The following GAREM1 variants were observed in gnomAD, a reference collection of about 807,000 sequenced individuals.
The protein encoded by GAREM1 is GRB2 associated regulator of MAPK1 subtype 1.
A neutral mutation model predicts 71.3 loss-of-function variants in GAREM1; 26 were observed. The observed-to-expected ratio is 0.36, with a 90% CI of 0.27 to 0.51. The LOEUF is 0.51. Among genes scored for constraint, GAREM1 ranks in the 20% least tolerant of loss-of-function variants. The probability of loss-of-function intolerance (pLI) is 0.95; values close to 1 mark genes in which losing one functional copy is unlikely to be tolerated. For synonymous variants in GAREM1, 440 were observed against 433.2 expected, an observed-to-expected ratio of 1.02 and a Z score of -0.20; for missense variants, 1,026 against 1,103.1, an observed-to-expected ratio of 0.93 and a Z score of 0.99.
At chr18:32,380,167 C>T (rs1301171802) in intron 2 of GAREM1, among the ~76,000 whole-genome samples, 1 of 152,206 alleles carries the variant, frequency 6.6e-6, no homozygotes, top group Admixed American at 6.5e-5. Flanking sequence ...TGAGCAATGA[C>T]TGGTTATGAT....
At chr18:32,414,766 G>C (rs1294587977) in intron 1 of GAREM1, among the ~76,000 whole-genome samples, 1 of 151,764 alleles carries the variant, frequency 6.6e-6, no homozygotes. Flanking sequence ...TATCAAAAAG[G>C]AAAAAAACCT....
At chr18:32,286,260 C>T (rs1345273836) in intron 4 of GAREM1, among the ~76,000 whole-genome samples, 1 of 151,900 alleles carries the variant, frequency 6.6e-6, no homozygotes, top group Non-Finnish European at 1.5e-5. Flanking sequence ...ACATTAGAAT[C>T]AAGCTCTGAA....
In GAREM1 at chr18:32,287,484, C is replaced by G; in HGVS notation, c.1113G>C (p.Ser371=). ...RCSGHNHVPN[S]LSYARDELTQ... is the part of the protein sequence containing the mutation. Reference sequence around the variant, plus strand: ...TGAGCTCATCGCGGGCGTAGCTGAGCGAATTGGGCACGTGGTTGTGGCCAG... The same window carrying G: ...TGAGCTCATCGCGGGCGTAGCTGAGGGAATTGGGCACGTGGTTGTGGCCAG... Residue 371 remains serine (S), a synonymous_variant, in exon 4 of 6, where the codon TCG becomes TCC. Coordinates refer to ENST00000269209, the MANE Select transcript of GAREM1 (RefSeq NM_001242409.2). This position sits in a 1 kb window ranked among gnomAD's most constrained non-coding sequence, Gnocchi z 5.9. 1 of 1,614,170 alleles carries G rather than the reference C, an allele frequency of 6.2e-7. No individual in the cohort carries two copies. Among genetic ancestry groups the G allele is most frequent in the Non-Finnish European group, 8.5e-7 (1 of 1,180,018 alleles).
intron 1 of GAREM1, among the ~76,000 whole-genome samples, chr18:32,423,357 ATGTTT>A (rs1218080263): frequency 6.6e-6 from 1 of 152,238 alleles, no homozygotes; most frequent in Non-Finnish European, 1.5e-5. Context: ...AGTTTACACT[ATGTTT>A]TAGTTTACAC....
intron 1 of GAREM1, among the ~76,000 whole-genome samples, chr18:32,427,417 G>A (rs1249094676): frequency 6.6e-6 from 1 of 152,182 alleles, no homozygotes; most frequent in Non-Finnish European, 1.5e-5. Flanking sequence ...ATAAATGACA[G>A]AGCTGGAGAG....
chr18:32,301,932 C>T (rs1325385822), intron 3 of GAREM1, among the ~76,000 whole-genome samples: 1 of 152,054 alleles, frequency 6.6e-6, no homozygotes, highest in African/African-American at 2.4e-5. Flanking sequence ...TAAAAGCTGC[C>T]AAATCCTGTG....
chr18:32,450,754 G>T (rs2048828570), intron 1 of GAREM1, among the ~76,000 whole-genome samples: 1 of 152,154 alleles, frequency 6.6e-6, no homozygotes, highest in South Asian at 2.1e-4. Context: ...ACCTCACCCT[G>T]TTGAAAGTTG....
chr18:32,392,336 G>A (rs2048210578), intron 2 of GAREM1, among the ~76,000 whole-genome samples: 2 of 152,152 alleles, frequency 1.3e-5, no homozygotes, highest in South Asian at 2.1e-4. Context: ...TGGCACTATT[G>A]CATTGAGTCG....
intron 1 of GAREM1, among the ~76,000 whole-genome samples, chr18:32,449,158 T>C (rs1394927260): frequency 2.0e-5 from 3 of 152,180 alleles, no homozygotes; most frequent in African/African-American, 4.8e-5. Flanking sequence ...CAAAGAGCTC[T>C]TGAGAAGTAA....
At chr18:32,426,829 A>G (rs1053586470) in intron 1 of GAREM1, among the ~76,000 whole-genome samples, 10 of 152,178 alleles carry the variant, frequency 6.6e-5, no homozygotes, top group Non-Finnish European at 1.2e-4. Context: ...TGGCTGCTCT[A>G]TATCTTAAAG....
intron 3 of GAREM1, 74 bp downstream of exon 3, chr18:32,310,119 A>G (rs992462453): frequency 1.3e-6 from 2 of 1,498,628 alleles, no homozygotes; most frequent in African/African-American, 2.8e-5. Context: ...ATGAACACTT[A>G]CTGTGTACAT....
rs893196851 is a variant in GAREM1 at position 32,470,023 on chromosome 18, C to A, written c.121+285G>T. 2.0e-5 allele frequency among the ~76,000 whole-genome samples: 3 copies of A among 152,312 alleles called. No homozygotes were observed. The highest frequency in any genetic ancestry group is 2.1e-4 in the South Asian group (1 of 4,832). ...CTTGCAGGAGGGTGGGGAGGGATAT[C>A]TGGCGTCCAAGATTACGATCTGCAG... On this transcript the variant is annotated intron_variant, in intron 1 of 5. Transcript: ENST00000269209. This position sits in a 1 kb window ranked among gnomAD's most constrained non-coding sequence, Gnocchi z 4.4.
intron 1 of GAREM1, among the ~76,000 whole-genome samples, chr18:32,394,098 A>T (rs1011729658): frequency 3.3e-5 from 5 of 152,236 alleles, no homozygotes; most frequent in Non-Finnish European, 7.3e-5. Context: ...TTTCCAAAAC[A>T]GTAATGCAAC....
At chr18:32,334,581 A>C (rs747523612) in intron 2 of GAREM1, among the ~76,000 whole-genome samples, 6 of 152,230 alleles carry the variant, frequency 3.9e-5, no homozygotes, top group Non-Finnish European at 7.3e-5. Context: ...TCCACATGGA[A>C]GCGGAGGAAC....
intron 4 of GAREM1, among the ~76,000 whole-genome samples, chr18:32,285,580 A>G (rs1462800914): frequency 6.6e-6 from 1 of 152,030 alleles, no homozygotes; most frequent in Non-Finnish European, 1.5e-5. Flanking sequence ...ATTCAGGTAC[A>G]TTTTCTAAAC....
chr18:32,373,382 C>A (rs2048004130), intron 2 of GAREM1, among the ~76,000 whole-genome samples: 1 of 152,142 alleles, frequency 6.6e-6, no homozygotes, highest in Admixed American at 6.5e-5. Flanking sequence ...GTATCCCCTA[C>A]AAAATTCAGA....
intron 2 of GAREM1, among the ~76,000 whole-genome samples, chr18:32,320,584 T>C (rs2144537651): frequency 6.6e-6 from 1 of 152,264 alleles, no homozygotes; most frequent in East Asian, 1.9e-4. Flanking sequence ...CAATCAAAAA[T>C]AATGAACTGC....
intron 1 of GAREM1, among the ~76,000 whole-genome samples, chr18:32,464,280 G>GA (rs964570516): frequency 2.6e-4 from 38 of 146,446 alleles, no homozygotes; most frequent in African/African-American, 5.0e-4. Context: ...GACACAAAAA[G>GA]AAAAAAAAAA....
At chr18:32,428,949 C>G (rs1429008843) in intron 1 of GAREM1, among the ~76,000 whole-genome samples, 1 of 150,320 alleles carries the variant, frequency 6.7e-6, no homozygotes, top group Non-Finnish European at 1.5e-5. Context: ...TTTTTTGTAT[C>G]ATCTGCAAAG....
Sources: gnomAD v4.1 joint callset for allele counts (sites outside exome capture counted in the v4.1 genomes callset) on GRCh38, gnomAD v4.1.1 for gene constraint, Gnocchi (gnomAD v3.1) non-coding constraint, MANE v1.5 for transcripts, NCBI Gene and HGNC (gene_info 2026-07-23, HGNC 2026-07-21) for gene names.